Variants in PCDHGB6 observed in about 807,000 individuals in gnomAD.
The protein encoded by PCDHGB6 is protocadherin gamma-B6.
A neutral mutation model predicts 59.1 loss-of-function variants in PCDHGB6; 51 were observed. The observed-to-expected ratio is 0.86, with a 90% CI of 0.69 to 1.09. PCDHGB6 has a LOEUF of 1.09. Ranked by LOEUF, PCDHGB6 falls within the 50% of genes least tolerant of loss-of-function variation. PCDHGB6 has a pLI of 0.00. For synonymous variants in PCDHGB6, 466 were observed against 495.1 expected, an observed-to-expected ratio of 0.94 and a Z score of 0.78; for missense variants, 1,148 against 1,205.1, an observed-to-expected ratio of 0.95 and a Z score of 0.70.
At chr5:141,418,572 A>AC (rs752316020) in intron 1 of PCDHGB6, 2 of 1,613,794 alleles carry the variant, frequency 1.2e-6, no homozygotes, top group African/African-American at 1.3e-5. Context: ...GCCAATGACA[A>AC]CCCCCCAGTG....
In PCDHGB6 at chr5:141,489,372, G is replaced by A. The variant is rs1335356378; in HGVS notation, c.2419-5435G>A. 2 of 1,613,814 alleles carry A rather than the reference G, an allele frequency of 1.2e-6. No individual in the cohort carries two copies. Among genetic ancestry groups the A allele is most frequent in the Non-Finnish European group, 1.7e-6 (2 of 1,179,700 alleles). On this transcript the variant is annotated intron_variant, in intron 1 of 3. Transcript: ENST00000520790. The surrounding 1 kb of genome is among the most constrained non-coding windows in gnomAD (Gnocchi z 4.5). ...TGGAGGAGTCTGAGCCGGGGACGCT[G>A]GTGGGGAATGTTGCTCAGGATCTGG...
chr5:141,503,608 A>AAAAAAAG (rs1483073868), intron 2 of PCDHGB6, among the ~76,000 whole-genome samples: 1 of 151,994 alleles, frequency 6.6e-6, no homozygotes, highest in East Asian at 1.9e-4. Flanking sequence ...CAAAAAAAAA[A>AAAAAAAG]AAAAAAGAAA....
At chr5:141,444,561 G>A (rs1554133061) in intron 1 of PCDHGB6, among the ~76,000 whole-genome samples, 2 of 152,098 alleles carry the variant, frequency 1.3e-5, no homozygotes, top group Non-Finnish European at 2.9e-5. Context: ...GCACTTATTT[G>A]ACACTTTTGA....
intron 1 of PCDHGB6, among the ~76,000 whole-genome samples, chr5:141,488,571 A>G (rs2099677106): frequency 6.6e-6 from 1 of 152,194 alleles, no homozygotes; most frequent in East Asian, 1.9e-4. Flanking sequence ...TCCGCAAAGC[A>G]TTGCTGGAGA....
chr5:141,460,277 A>C (rs2154566827), intron 1 of PCDHGB6, among the ~76,000 whole-genome samples: 1 of 152,124 alleles, frequency 6.6e-6, no homozygotes, highest in African/African-American at 2.4e-5. Context: ...TTTCTTTTAT[A>C]GTTTGTATTT....
At chr5:141,413,498 T>G (rs1187570193) in intron 1 of PCDHGB6, 1 of 1,614,026 alleles carries the variant, frequency 6.2e-7, no homozygotes, top group Admixed American at 1.7e-5. Context: ...CGGTGCGTGG[T>G]GAGTTTTAAT....
At position 141,431,982 on chromosome 5, in the gene PCDHGB6, T is replaced by G. The variant is rs2097433926; in HGVS notation, c.2418+21362T>G. The G allele has an allele frequency of 6.2e-7, 1 of 1,614,212 alleles. No homozygotes were observed. Among genetic ancestry groups the G allele is most frequent in the African/African-American group, 1.3e-5 (1 of 75,056 alleles). ...AATTACTATAGTTTAGTCACAGACA[T>G]AGTCTTGGATAGGGAACAGGTTCCT... On this transcript the variant is annotated intron_variant, in intron 1 of 3. Transcript: ENST00000520790. The surrounding 1 kb of genome is among the most constrained non-coding windows in gnomAD (Gnocchi z 4.8).
chr5:141,433,056 G>C, intron 1 of PCDHGB6: 10 of 1,614,204 alleles, frequency 6.2e-6, no homozygotes, highest in Non-Finnish European at 8.5e-6. Context: ...TCGCGGAAGA[G>C]TCACCTGATC....
chr5:141,500,688 T>C (rs2099802014), intron 2 of PCDHGB6, among the ~76,000 whole-genome samples: 1 of 152,224 alleles, frequency 6.6e-6, no homozygotes, highest in Non-Finnish European at 1.5e-5. Flanking sequence ...TATAGCTTTT[T>C]TCTTCTTTGC....
Position 141,454,981 on chromosome 5 carries a change from A to T in PCDHGB6, c.2419-39826A>T, listed in dbSNP as rs528657512. 9.9e-3 allele frequency among the ~76,000 whole-genome samples: 1,486 copies of T among 150,680 alleles called. 32 individuals carry two copies. Among genetic ancestry groups the T allele is most frequent in the African/African-American group, 0.034 (1,392 of 41,092 alleles). On this transcript the variant is annotated intron_variant, in intron 1 of 3. Coordinates refer to ENST00000520790, the MANE Select transcript of PCDHGB6 (RefSeq NM_018926.3). ...GGCCACCACGCCTGGCTAATTTTTTAAAAAATATTTTTAGTAGAGACGGGG... is the reference window on the plus strand; with the variant it reads ...GGCCACCACGCCTGGCTAATTTTTTTAAAAATATTTTTAGTAGAGACGGGG...
At chr5:141,472,332 G>A (rs566731120) in intron 1 of PCDHGB6, among the ~76,000 whole-genome samples, 1 of 152,116 alleles carries the variant, frequency 6.6e-6, no homozygotes, top group East Asian at 1.9e-4. Flanking sequence ...ACGAGGTTGG[G>A]AGATCGAGAC....
Position 141,430,964 on chromosome 5 carries a change from A to G in PCDHGB6, c.2418+20344A>G, listed in dbSNP as rs547574367. The G allele has an allele frequency of 7.3e-5, 117 of 1,612,860 alleles. No homozygotes were observed. The South Asian group carries it at 1.2e-3, about 17-fold the overall frequency. On this transcript the variant is annotated intron_variant, in intron 1 of 3. Coordinates refer to ENST00000520790, the MANE Select transcript of PCDHGB6 (RefSeq NM_018926.3). The stretch of plus-strand genomic sequence containing the variant: ...GGAGCGCGGAGTCCGCATCATCCCC[A>G]GAGGTAGGACGCAGCTTTTCGCCCT...
chr5:141,471,206 T>C (rs113465424), intron 1 of PCDHGB6: 16,891 of 151,686 alleles, frequency 0.11, 970 homozygotes, highest in South Asian at 0.15. Context: ...CCCACCCCCA[T>C]GCCTGGCAAT....
At position 141,408,479 on chromosome 5, in the gene PCDHGB6, G is replaced by A; in HGVS notation, c.277G>A (p.Glu93Lys). ...DLLVKNRIDR[E>K]QICKERRRCE... ...ACTTGTGAAGAACCGAATAGACCGT[G>A]AGCAAATATGCAAAGAGAGAAGAAG... The change falls in exon 1 of 4, where the codon GAG becomes AAG. Residue 93 changes from glutamate to lysine, a missense_variant. Glu to Lys is a moderately conservative substitution (Grantham distance 56). This residue lies in a region of PCDHGB6 where 307 missense variants were observed against 323.8 expected (regional missense o/e 0.95). Transcript: ENST00000520790. 1 of 1,614,074 alleles carries A rather than the reference G, an allele frequency of 6.2e-7. No homozygotes were observed. Among genetic ancestry groups the A allele is most frequent in the Non-Finnish European group, 8.5e-7 (1 of 1,179,906 alleles).
intron 1 of PCDHGB6, among the ~76,000 whole-genome samples, chr5:141,429,660 ATATAT>A (rs1388009014): frequency 1.3e-5 from 2 of 152,336 alleles, no homozygotes; most frequent in African/African-American, 4.8e-5. Flanking sequence ...CCAATTTAAA[ATATAT>A]TATTTTATTT....
rs2099681350 is a variant in PCDHGB6, at chr5:141,489,024, C to T, written c.2419-5783C>T. 1 of 450,378 alleles carries T rather than the reference C, an allele frequency of 2.2e-6. No individual in the cohort carries two copies. The highest frequency in any genetic ancestry group is 3.9e-6 in the Non-Finnish European group (1 of 256,582). 27.9% of individuals were successfully genotyped at this position (450,378 alleles called of 1,614,324 possible). On this transcript the variant is annotated intron_variant, in intron 1 of 3. Coordinates refer to ENST00000520790, the MANE Select transcript of PCDHGB6 (RefSeq NM_018926.3). The surrounding 1 kb of genome is among the most constrained non-coding windows in gnomAD (Gnocchi z 4.5). ...CTGCTCTTCCAGCCCGCCTCTCCTC[C>T]TCCAGCTCCCCAGCTCCACTCAAAT... is the stretch of plus-strand genomic sequence containing the variant.
chr5:141,489,093 A>T lies in PCDHGB6; in HGVS notation c.2419-5714A>T. ...GCCCACCCCCGCCACTCGGTGACTA[A>T]GAACTGCTGCAAGCAGGCAAACCTC... is the stretch of plus-strand genomic sequence containing the variant. On this transcript the variant is annotated intron_variant, in intron 1 of 3. Coordinates refer to ENST00000520790, the MANE Select transcript of PCDHGB6 (RefSeq NM_018926.3). This position sits in a 1 kb window ranked among gnomAD's most constrained non-coding sequence, Gnocchi z 4.5. 2.1e-6 allele frequency: 1 copy of T among 477,272 alleles called. No individual in the cohort carries two copies. Among genetic ancestry groups the T allele is most frequent in the Non-Finnish European group, 3.6e-6 (1 of 276,700 alleles). The allele number at this position is 477,272 out of a possible 1,614,324, so 29.6% of individuals were successfully genotyped here.
Position 141,485,768 on chromosome 5 carries a change from C to A in PCDHGB6, c.2419-9039C>A, listed in dbSNP as rs759191157. 3.7e-6 allele frequency: 6 copies of A among 1,614,192 alleles called. No individual in the cohort carries two copies. Among genetic ancestry groups the A allele is most frequent in the Middle Eastern group, 1.6e-4 (1 of 6,062 alleles). On this transcript the variant is annotated intron_variant, in intron 1 of 3. Coordinates refer to ENST00000520790, the MANE Select transcript of PCDHGB6 (RefSeq NM_018926.3). The surrounding 1 kb of genome is among the most constrained non-coding windows in gnomAD (Gnocchi z 5.7). ...GGTCCCAGAGCTGCTCCTGGAGAAG[C>A]CTTTGGATCGAGAGAAGCAATCGGA...
intron 1 of PCDHGB6, chr5:141,478,583 C>G: frequency 6.3e-7 from 1 of 1,578,146 alleles, no homozygotes; most frequent in Non-Finnish European, 8.6e-7. Context: ...CCTGTTAGTG[C>G]TTTTTTATTC....
Sources: allele counts gnomAD v4.1 joint callset (sites outside exome capture counted in the v4.1 genomes callset), GRCh38; gene constraint gnomAD v4.1.1; regional missense constraint gnomAD v4.1.1; non-coding constraint Gnocchi (gnomAD v3.1); transcripts MANE v1.5; gene names NCBI Gene and HGNC (gene_info 2026-07-23, HGNC 2026-07-21).